The following ANKRD36C variants were observed in gnomAD, a reference collection of about 807,000 sequenced individuals.
ANKRD36C encodes ankyrin repeat domain 36C, also known as ankyrin repeat domain-containing protein 36C.
In ANKRD36C, 61 loss-of-function variants were observed where a neutral mutation model predicts 276.4. The observed-to-expected ratio is 0.22, with a 90% CI of 0.18 to 0.27. The LOEUF is 0.27. ANKRD36C is among the 10% of genes least tolerant of loss of function. ANKRD36C has a pLI of 1.00. For missense variants in ANKRD36C, 1,447 were observed against 2,032.3 expected (o/e 0.71, Z 5.54); for synonymous variants, 483 against 680.1 (o/e 0.71, Z 4.51).
In ANKRD36C at chr2:95,983,650, G is replaced by A. The variant is rs528673988; in HGVS notation, c.487-1288C>T. Among the ~76,000 whole-genome samples, 59 of 150,466 alleles carry A rather than the reference G, an allele frequency of 3.9e-4. 1 individual carries two copies. The highest frequency in any genetic ancestry group is 3.4e-3 in the Middle Eastern group (1 of 290). ...ATTTGAGATGGAGTCTCGCTCTGTC[G>A]CCCAGGCTGGAGTGCAGTGGTGCCA... On this transcript the variant is annotated intron_variant, in intron 3 of 66. Transcript: ENST00000456556.
At chr2:95,940,400 G>A (rs1369005970) in intron 20 of ANKRD36C, among the ~76,000 whole-genome samples, 2 of 141,458 alleles carry the variant, frequency 1.4e-5, no homozygotes, top group Non-Finnish European at 3.2e-5. Context: ...TAAATTTCTC[G>A]TTTGTTTTTT....
chr2:95,887,523 T>C (rs112163092), intron 50 of ANKRD36C, among the ~76,000 whole-genome samples: 9 of 151,500 alleles, frequency 5.9e-5, no homozygotes, highest in East Asian at 1.9e-4. Flanking sequence ...CATTCTACAG[T>C]GTCTACAGGT....
exon 62 of ANKRD36C, chr2:95,857,330 T>G: frequency 6.9e-6 from 11 of 1,593,854 alleles, no homozygotes; most frequent in Non-Finnish European, 9.4e-6. Flanking sequence ...TATTTCCTCC[T>G]GTCTTCAATT....
chr2:95,874,565 C>G (rs944787434), intron 59 of ANKRD36C, among the ~76,000 whole-genome samples: 17 of 152,178 alleles, frequency 1.1e-4, no homozygotes, highest in Admixed American at 3.3e-4. Context: ...AGACCTAAAA[C>G]CATAAAAACC....
intron 1 of ANKRD36C, among the ~76,000 whole-genome samples, chr2:95,989,988 T>C (rs1679103781): frequency 6.6e-6 from 1 of 152,252 alleles, no homozygotes; most frequent in African/African-American, 2.4e-5. Context: ...CACTTTTTTA[T>C]CTAATATGTA....
chr2:95,888,132 A>C lies in ANKRD36C; in HGVS notation c.2960-12T>G. On this transcript the variant is annotated splice_polypyrimidine_tract_variant and intron_variant, in intron 48 of 66. Coordinates refer to ENST00000456556, the Ensembl canonical transcript of ANKRD36C. ...TTTCTGAGAAGACACTGAAAAGCAA[A>C]AGGGATACATAATCACTCATATGTA... 1.2e-6 allele frequency: 2 copies of C among 1,608,450 alleles called. No homozygotes were observed. Among genetic ancestry groups the C allele is most frequent in the Non-Finnish European group, 8.5e-7 (1 of 1,178,108 alleles).
At chr2:95,975,825 T>C (rs1678798108) in intron 6 of ANKRD36C, among the ~76,000 whole-genome samples, 1 of 152,030 alleles carries the variant, frequency 6.6e-6, no homozygotes, top group Non-Finnish European at 1.5e-5. Flanking sequence ...GAAACTACCA[T>C]CAGAGTGAAC....
intron 12 of ANKRD36C, among the ~76,000 whole-genome samples, chr2:95,957,658 A>C (rs1435621051): frequency 6.6e-6 from 1 of 152,202 alleles, no homozygotes; most frequent in African/African-American, 2.4e-5. Flanking sequence ...CAAGCATTAC[A>C]TCTGAATAAG....
intron 60 of ANKRD36C, among the ~76,000 whole-genome samples, chr2:95,861,322 T>C (rs1243126971): frequency 6.6e-6 from 1 of 151,646 alleles, no homozygotes; most frequent in East Asian, 1.9e-4. Flanking sequence ...TTTGACACGA[T>C]AAACTGCAAG....
At position 95,854,926 on chromosome 2, in the gene ANKRD36C, A is replaced by C. The variant is rs532053723; in HGVS notation, c.4995+340T>G. On this transcript the variant is annotated intron_variant, in intron 63 of 66. Transcript: ENST00000456556. ...ATTTCAAAATACCATTTTAGGTATGAGCATTTCCATATACCTGATTTATCA... is the reference window on the plus strand; with the variant it reads ...ATTTCAAAATACCATTTTAGGTATGCGCATTTCCATATACCTGATTTATCA... 3.2e-4 allele frequency among the ~76,000 whole-genome samples: 49 copies of C among 152,258 alleles called. 1 individual carries two copies. The highest frequency in any genetic ancestry group is 3.1e-3 in the Admixed American group (48 of 15,278).
At chr2:95,884,227 C>A (rs1676150326) in exon 54 of ANKRD36C, 1 of 1,609,788 alleles carries the variant, frequency 6.2e-7, no homozygotes, top group African/African-American at 1.3e-5. Flanking sequence ...GAAACAGAAT[C>A]TTTCTCATCA....
rs189380752 is a variant in ANKRD36C at position 95,893,594 on chromosome 2, G to A, written c.2756-1734C>T. 1.1e-4 allele frequency: 172 copies of A among 1,578,348 alleles called. 1 individual carries two copies. The highest frequency in any genetic ancestry group is 2.9e-4 in the South Asian group (25 of 87,650). Reference sequence around the variant, plus strand: ...CTATATTCAAAACAGAATCTTCCTCGTCACCTGTAGCCTGAATGGAATTTG... The same window carrying A: ...CTATATTCAAAACAGAATCTTCCTCATCACCTGTAGCCTGAATGGAATTTG... On this transcript the variant is annotated intron_variant, in intron 44 of 66. Coordinates refer to ENST00000456556, the Ensembl canonical transcript of ANKRD36C.
chr2:95,962,329 A>G, intron 8 of ANKRD36C, 23 bp downstream of exon 8: 1 of 1,548,560 alleles, frequency 6.5e-7, no homozygotes, highest in South Asian at 1.2e-5. Flanking sequence ...TGAACATGAC[A>G]TTAGATGTGT....
exon 37 of ANKRD36C, chr2:95,916,165 G>A: frequency 6.2e-7 from 1 of 1,604,884 alleles, no homozygotes; most frequent in Non-Finnish European, 8.5e-7. Flanking sequence ...TTTTTTCCGA[G>A]AAGACACTGA....
intron 14 of ANKRD36C, among the ~76,000 whole-genome samples, chr2:95,952,501 A>G (rs1225402477): frequency 2.0e-5 from 3 of 151,960 alleles, no homozygotes; most frequent in African/African-American, 7.3e-5. Context: ...AAAAAAAGGT[A>G]TTTAATAGAA....
At chr2:95,973,808 A>G (rs2438928) in intron 6 of ANKRD36C, among the ~76,000 whole-genome samples, 4 of 152,148 alleles carry the variant, frequency 2.6e-5, no homozygotes, top group Non-Finnish European at 4.4e-5. Flanking sequence ...TTGGGAGGCT[A>G]AGGCAGGAGG....
chr2:95,968,663 T>C (rs1231230927), intron 6 of ANKRD36C, among the ~76,000 whole-genome samples: 1 of 152,198 alleles, frequency 6.6e-6, no homozygotes, highest in Non-Finnish European at 1.5e-5. Context: ...ATGGGTGCCC[T>C]GTAATTCTGG....
At chr2:95,924,716 C>G (rs1279862762) in intron 30 of ANKRD36C, among the ~76,000 whole-genome samples, 1 of 151,460 alleles carries the variant, frequency 6.6e-6, no homozygotes, top group East Asian at 2.0e-4. Context: ...GTGGTTTATC[C>G]CAACTCTAGC....
At chr2:95,909,737 G>C (rs568273546) in intron 42 of ANKRD36C, among the ~76,000 whole-genome samples, 2 of 151,018 alleles carry the variant, frequency 1.3e-5, no homozygotes, top group South Asian at 4.2e-4. Context: ...GAGTCAGTGT[G>C]TTTTTATGCC....
Sources: gnomAD v4.1 joint callset for allele counts (sites outside exome capture counted in the v4.1 genomes callset) on GRCh38, gnomAD v4.1.1 for gene constraint, MANE v1.5 for transcripts, NCBI Gene and HGNC (gene_info 2026-07-23, HGNC 2026-07-21) for gene names.